SLC26A9: variants seen among roughly 807,000 people sequenced by gnomAD.
SLC26A9 encodes anion transporter/exchanger protein 9.
SLC26A9 carries 46 observed loss-of-function variants against 87.1 expected under a neutral mutation model. The observed-to-expected ratio is 0.53, with a 90% CI of 0.42 to 0.67. The LOEUF (loss-of-function observed/expected upper bound fraction) is 0.67. Ranked by LOEUF, SLC26A9 falls within the 30% of genes least tolerant of loss-of-function variation. The probability of loss-of-function intolerance (pLI) is 0.00; values close to 1 mark genes in which losing one functional copy is unlikely to be tolerated. For synonymous variants in SLC26A9, 437 were observed against 409.1 expected (o/e 1.07, Z -0.82); for missense variants, 927 against 1,018.3 (o/e 0.91, Z 1.22).
At chr1:205,924,700 ATCT>A in intron 12 of SLC26A9, 1 of 524,276 alleles carries the variant, frequency 1.9e-6, no homozygotes, top group Non-Finnish European at 3.4e-6. Flanking sequence ...TGGTTGCCTG[ATCT>A]TGTCTGTGTT....
At chr1:205,936,317 G>A (rs1247721796) in intron 1 of SLC26A9, among the ~76,000 whole-genome samples, 3 of 152,220 alleles carry the variant, frequency 2.0e-5, no homozygotes, top group African/African-American at 7.2e-5. Context: ...CCTAGAGGCA[G>A]GGGGATAGCT....
chr1:205,917,566 T>A (rs886867127), intron 19 of SLC26A9, among the ~76,000 whole-genome samples: 2 of 152,094 alleles, frequency 1.3e-5, no homozygotes, highest in African/African-American at 4.8e-5. Flanking sequence ...ATCGCGGTCT[T>A]CCCTCCTTTG....
chr1:205,929,356 T>G lies in SLC26A9; in HGVS notation c.718A>C (p.Thr240Pro). 6.2e-7 allele frequency: 1 copy of G among 1,613,644 alleles called. No homozygotes were observed. The highest frequency in any genetic ancestry group is 8.5e-7 in the Non-Finnish European group (1 of 1,179,730). ...SYTGPGSIVF[T>P]FIDICKNLPH... ...AGGTTTTTGCAAATGTCAATGAAGG[T>G]CTGGGGGAAAGAGCATCATGCTCAC... The change falls in exon 7 of 21, where the codon ACC becomes CCC. Residue 240 changes from threonine (T) to proline (P), a missense_variant and splice_region_variant. Physicochemically the swap from Thr to Pro is conservative, Grantham distance 38. Coordinates refer to ENST00000367135, the MANE Select transcript of SLC26A9 (RefSeq NM_052934.4).
At position 205,914,915 on chromosome 1, in the gene SLC26A9, C is replaced by T; in HGVS notation, c.*442G>A. On this transcript the variant is annotated 3_prime_UTR_variant, in exon 21 of 21. Coordinates refer to ENST00000367135, the MANE Select transcript of SLC26A9 (RefSeq NM_052934.4). ...CCCTATGTCCGTGACAGCCTGACAC[C>T]ATCTGACACCGAGCCGTGTGGGCTC... is the stretch of plus-strand genomic sequence containing the variant. 1 of 1,613,330 alleles carries T rather than the reference C, an allele frequency of 6.2e-7. No individual in the cohort carries two copies. The highest frequency in any genetic ancestry group is 8.5e-7 in the Non-Finnish European group (1 of 1,179,514).
chr1:205,940,470 C>T (rs963709187), intron 1 of SLC26A9, among the ~76,000 whole-genome samples: 10 of 152,140 alleles, frequency 6.6e-5, no homozygotes, highest in East Asian at 5.8e-4. Context: ...CTGAAAGGCT[C>T]GGAACGGCAC....
intron 1 of SLC26A9, among the ~76,000 whole-genome samples, chr1:205,942,211 G>A (rs1659776768): frequency 6.6e-6 from 1 of 152,226 alleles, no homozygotes; most frequent in Non-Finnish European, 1.5e-5. Flanking sequence ...ATACAAATGA[G>A]ACTCAGAGAG....
Position 205,918,873 on chromosome 1 carries a change from A to C in SLC26A9, c.2223T>G (p.Ala741=). The change falls in exon 19 of 21, where the codon GCT becomes GCG. Residue 741 remains alanine (A), a synonymous_variant. Coordinates refer to ENST00000367135, the MANE Select transcript of SLC26A9 (RefSeq NM_052934.4). ...AGTTGTGTCCTGGGGTCACGTCTCT[A>C]GCATTTGCCTGGGCAAAGAGGACTG... The part of the protein sequence containing the change: ...HDAVLFAQAN[A]RDVTPGHNFQ... The C allele has an allele frequency of 6.2e-7, 1 of 1,614,180 alleles. No individual in the cohort carries two copies. The highest frequency in any genetic ancestry group is 8.5e-7 in the Non-Finnish European group (1 of 1,180,004).
At chr1:205,930,691 C>G (rs998884829) in intron 5 of SLC26A9, among the ~76,000 whole-genome samples, 1 of 152,186 alleles carries the variant, frequency 6.6e-6, no homozygotes, top group Non-Finnish European at 1.5e-5. Context: ...GGGCCCTCTA[C>G]CCTCCAGCCA....
chr1:205,924,411 C>T lies in SLC26A9; in HGVS notation c.1468G>A (p.Val490Ile), dbSNP rs762496820. The change falls in exon 13 of 21, where the codon GTC (valine) becomes ATC (isoleucine). Residue 490 changes from valine to isoleucine, a missense_variant. Physicochemically the swap from Val to Ile is conservative, Grantham distance 29. Coordinates refer to ENST00000367135, the MANE Select transcript of SLC26A9 (RefSeq NM_052934.4). ...YGVAVGVAFS[V>I]LVVVFQTQFR... is the part of the protein sequence containing the mutation. ...TGAGTCTGGAAGACCACGACCAGGA[C>T]GGAGAAGGCGACACCCACTGCCACA... is the stretch of plus-strand genomic sequence containing the variant. 3.2e-5 allele frequency: 52 copies of T among 1,614,008 alleles called. No homozygotes were observed. The highest frequency in any genetic ancestry group is 3.3e-4 in the Middle Eastern group (2 of 6,084).
In SLC26A9 at chr1:205,935,729, T is replaced by A; in HGVS notation, c.92A>T (p.Tyr31Phe). 1 of 1,613,970 alleles carries A rather than the reference T, an allele frequency of 6.2e-7. No individual in the cohort carries two copies. Residue 31 changes from tyrosine to phenylalanine, a missense_variant, in exon 2 of 21, where the codon TAC becomes TTC. Tyr to Phe is a conservative substitution (Grantham distance 22, BLOSUM62 3). Transcript: ENST00000367135. ...DDEFEKKDRT[Y>F]PVGEKLRNAF... ...ATTGCGAAGTTTCTCTCCCACTGGG[T>A]ATGTCCGGTCCTTCTTCTCAAACTC...
chr1:205,935,652 G>T, intron 2 of SLC26A9, 44 bp downstream of exon 2: 1 of 1,611,178 alleles, frequency 6.2e-7, no homozygotes, highest in Non-Finnish European at 8.5e-7. Context: ...AAGGATTTTG[G>T]TAGGGAGCAG....
At chr1:205,920,689 G>A (rs1455054960) in intron 17 of SLC26A9, among the ~76,000 whole-genome samples, 2 of 152,194 alleles carry the variant, frequency 1.3e-5, no homozygotes, top group Non-Finnish European at 2.9e-5. Context: ...TAGTAGAGGC[G>A]GGGTTTCACC....
At chr1:205,939,970 G>A (rs1659669768) in intron 1 of SLC26A9, among the ~76,000 whole-genome samples, 1 of 152,162 alleles carries the variant, frequency 6.6e-6, no homozygotes, top group African/African-American at 2.4e-5. Flanking sequence ...GGGATAAATA[G>A]CAGGTGCCAT....
At chr1:205,926,216 G>A (rs1327197404) in intron 12 of SLC26A9, among the ~76,000 whole-genome samples, 4 of 152,112 alleles carry the variant, frequency 2.6e-5, no homozygotes, top group Non-Finnish European at 2.9e-5. Context: ...TAGACAACAT[G>A]TTTACTTGTA....
At chr1:205,936,563 C>T (rs1659517642) in intron 1 of SLC26A9, among the ~76,000 whole-genome samples, 1 of 152,092 alleles carries the variant, frequency 6.6e-6, no homozygotes, top group African/African-American at 2.4e-5. Flanking sequence ...GAGCTGAGTG[C>T]CAGGGCCCCT....
rs1024366143 is a variant in SLC26A9, at chr1:205,939,673, G to A, written c.-19+3692C>T. Among the ~76,000 whole-genome samples, 34 of 152,078 alleles carry A rather than the reference G, an allele frequency of 2.2e-4. 1 individual carries two copies. Among genetic ancestry groups the A allele is most frequent in the African/African-American group, 8.0e-4 (33 of 41,400 alleles). ...AGGGTGGGTGGCATGGTGGGGAGGA[G>A]GAGTCTCAGAGAACTAGCAGGGATG... On this transcript the variant is annotated intron_variant, in intron 1 of 20. Transcript: ENST00000367135.
At chr1:205,929,802 G>A in intron 6 of SLC26A9, 90 bp downstream of exon 6, 2 of 1,434,784 alleles carry the variant, frequency 1.4e-6, no homozygotes, top group Non-Finnish European at 1.9e-6. Context: ...CCCTTGCAAT[G>A]AGGAGCTCAC....
In SLC26A9 at chr1:205,935,842, T is replaced by C. The variant is rs1659488865; in HGVS notation, c.-18-4A>G. 1 of 1,609,482 alleles carries C rather than the reference T, an allele frequency of 6.2e-7. No individual in the cohort carries two copies. The highest frequency in any genetic ancestry group is 8.5e-7 in the Non-Finnish European group (1 of 1,177,044). ...TCATATCTGGGGCATTTACAAGCTT[T>C]GGGAGAAGCAGAGGAGGGGAGGGTG... On this transcript the variant is annotated splice_region_variant and splice_polypyrimidine_tract_variant and intron_variant, in intron 1 of 20. Coordinates refer to ENST00000367135, the MANE Select transcript of SLC26A9 (RefSeq NM_052934.4).
Position 205,926,693 on chromosome 1 carries a change from A to T in SLC26A9, c.1294-63T>A. ...TCCCCTTCTTTTTGCCCTCCTGCGC[A>T]TACCCGACCCCAAGGCCTGGCAGGA... On this transcript the variant is annotated intron_variant, in intron 11 of 20. Coordinates refer to ENST00000367135, the MANE Select transcript of SLC26A9 (RefSeq NM_052934.4). The T allele has an allele frequency of 2.2e-6, 3 of 1,377,744 alleles. No homozygotes were observed. The Middle Eastern group carries it at 5.3e-4, about 246-fold the overall frequency. The allele number at this position is 1,377,744 out of a possible 1,614,324, so 85.3% of individuals were successfully genotyped here. A position where few individuals can be genotyped will look rare whatever the true frequency, so the allele number is the denominator to read the frequency against.
Sources: allele counts gnomAD v4.1 joint callset (sites outside exome capture counted in the v4.1 genomes callset), GRCh38; gene constraint gnomAD v4.1.1; transcripts MANE v1.5; gene names NCBI Gene and HGNC (gene_info 2026-07-23, HGNC 2026-07-21).